The following PSMA8 variants were observed in gnomAD, a reference collection of about 807,000 sequenced individuals.
PSMA8 encodes the protein proteasome 20S subunit alpha 8, also known as proteasome subunit alpha-type 8.
A neutral mutation model predicts 32.4 loss-of-function variants in PSMA8; 18 were observed. That is an observed-to-expected ratio of 0.56 (90% CI 0.38 to 0.82). The LOEUF is 0.82. Among genes scored for constraint, PSMA8 ranks in the 40% least tolerant of loss-of-function variants. The pLI is 0.00. For synonymous variants in PSMA8, 104 were observed against 98.1 expected (o/e 1.06, Z -0.36); for missense variants, 298 against 300.7 (o/e 0.99, Z 0.07).
rs1347323733 is a variant in PSMA8, at chr18:26,164,929, GT to G, written c.477+6691del. Among the ~76,000 whole-genome samples, 8 of 151,908 alleles carry G rather than the reference GT, an allele frequency of 5.3e-5. No individual in the cohort carries two copies. In the South Asian group the frequency reaches 1.7e-3, roughly 32 times the overall value. ...TTTTTGTTTTGTTTTGTTTTGTTTTGTTTTTTGAGACGGAATCTCTCTCTGT... is the reference window on the plus strand; with the variant it reads ...TTTTTGTTTTGTTTTGTTTTGTTTTGTTTTTGAGACGGAATCTCTCTCTGT... On this transcript the variant is annotated intron_variant, in intron 4 of 6. Coordinates refer to ENST00000415576, the MANE Select transcript of PSMA8 (RefSeq NM_001025096.2).
chr18:26,164,274 C>A (rs895768397), intron 4 of PSMA8, among the ~76,000 whole-genome samples: 4 of 151,848 alleles, frequency 2.6e-5, no homozygotes, highest in Non-Finnish European at 5.9e-5. Context: ...CTTGTCTCTA[C>A]AAAATTAAAA....
At chr18:26,135,542 A>C (rs909188571) in intron 1 of PSMA8, among the ~76,000 whole-genome samples, 2 of 152,162 alleles carry the variant, frequency 1.3e-5, no homozygotes, top group Non-Finnish European at 2.9e-5. Context: ...TTTTGCAAGT[A>C]ATTTTTTTAG....
rs1324443635 is a variant in PSMA8, at chr18:26,168,493, T to G, written c.477+10249T>G. 3.2e-5 allele frequency among the ~76,000 whole-genome samples: 4 copies of G among 125,794 alleles called. No individual in the cohort carries two copies. In the East Asian group the frequency reaches 9.3e-4, roughly 29 times the overall value. 82.5% of individuals were successfully genotyped at this position (125,794 alleles called of 152,430 possible). On this transcript the variant is annotated intron_variant, in intron 4 of 6. Transcript: ENST00000415576. Reference sequence around the variant, plus strand: ...CTAACCAACCCTTTCCCCTTGTTTTTTTTTTTTTTTTTTTTTTACTTTTGC... The same window carrying G: ...CTAACCAACCCTTTCCCCTTGTTTTGTTTTTTTTTTTTTTTTTACTTTTGC...
Position 26,192,349 on chromosome 18 carries a change from G to A in PSMA8, c.691G>A (p.Val231Ile), listed in dbSNP as rs764030178. 2 of 1,516,938 alleles carry A rather than the reference G, an allele frequency of 1.3e-6. No homozygotes were observed. Among genetic ancestry groups the A allele is most frequent in the South Asian group, 1.4e-5 (1 of 72,528 alleles). The allele number at this position is 1,516,938 out of a possible 1,614,324, so 94.0% of individuals were successfully genotyped here. ...TAGTGCAAAAGAAGTTGAATTATATGTAACTGAAATAGAAAAGGAAAAGGA... is the reference window on the plus strand; with the variant it reads ...TAGTGCAAAAGAAGTTGAATTATATATAACTGAAATAGAAAAGGAAAAGGA... ...MFSAKEVELY[V>I]TEIEKEKEEA... Residue 231 changes from valine to isoleucine, a missense_variant, in exon 7 of 7, where the codon GTA (valine) becomes ATA (isoleucine). Val to Ile is a conservative substitution (Grantham distance 29, BLOSUM62 3). Coordinates refer to ENST00000415576, the MANE Select transcript of PSMA8 (RefSeq NM_001025096.2).
At chr18:26,139,706 C>A (rs2054939493) in intron 1 of PSMA8, among the ~76,000 whole-genome samples, 1 of 152,054 alleles carries the variant, frequency 6.6e-6, no homozygotes, top group Admixed American at 6.5e-5. Flanking sequence ...CCTTGAGGAA[C>A]CTTAATGACC....
intron 2 of PSMA8, among the ~76,000 whole-genome samples, chr18:26,148,019 T>C (rs2055017499): frequency 6.6e-6 from 1 of 152,096 alleles, no homozygotes; most frequent in Non-Finnish European, 1.5e-5. Flanking sequence ...AATAAGACAT[T>C]GAATGAGTTA....
At chr18:26,142,196 C>T (rs530421683) in intron 1 of PSMA8, among the ~76,000 whole-genome samples, 9 of 152,038 alleles carry the variant, frequency 5.9e-5, no homozygotes, top group Non-Finnish European at 1.2e-4. Context: ...CCCGCCACCA[C>T]GCCCGGCTGA....
intron 1 of PSMA8, among the ~76,000 whole-genome samples, chr18:26,135,064 G>A (rs943922985): frequency 3.9e-5 from 6 of 152,090 alleles, no homozygotes. Flanking sequence ...AATGCTGGAA[G>A]TTCCTTGAGA....
intron 4 of PSMA8, among the ~76,000 whole-genome samples, chr18:26,163,252 T>TA (rs1392013580): frequency 8.5e-5 from 8 of 94,584 alleles, no homozygotes; most frequent in African/African-American, 2.5e-4. Flanking sequence ...TATATATATA[T>TA]ATATATATAT....
chr18:26,145,139 A>G (rs1276755403), intron 2 of PSMA8, among the ~76,000 whole-genome samples: 2 of 151,996 alleles, frequency 1.3e-5, no homozygotes, highest in African/African-American at 4.8e-5. Context: ...TATTTTTGAG[A>G]CAGAGTTTCA....
chr18:26,174,914 G>A (rs981471175), intron 4 of PSMA8, among the ~76,000 whole-genome samples: 4 of 152,198 alleles, frequency 2.6e-5, no homozygotes, highest in Admixed American at 6.5e-5. Flanking sequence ...TGAACGTAGA[G>A]CCCTTTGATC....
intron 1 of PSMA8, among the ~76,000 whole-genome samples, chr18:26,135,641 G>A (rs914522360): frequency 5.3e-5 from 8 of 152,108 alleles, no homozygotes; most frequent in African/African-American, 1.9e-4. Context: ...CCCCAGCATA[G>A]CATGTAGCAT....
At chr18:26,169,441 T>C (rs1402025934) in intron 4 of PSMA8, among the ~76,000 whole-genome samples, 1 of 131,642 alleles carries the variant, frequency 7.6e-6, no homozygotes, top group Non-Finnish European at 1.5e-5. Flanking sequence ...GCAACCATCA[T>C]CCCTCACTTG....
chr18:26,169,824 C>A (rs2055207427), intron 4 of PSMA8, among the ~76,000 whole-genome samples: 1 of 120,204 alleles, frequency 8.3e-6, no homozygotes, highest in Non-Finnish European at 1.5e-5. Context: ...CTAGCCTGGG[C>A]AACAAGAGCG....
intron 1 of PSMA8, among the ~76,000 whole-genome samples, chr18:26,143,509 A>G (rs1166640507): frequency 6.6e-6 from 1 of 152,224 alleles, no homozygotes; most frequent in Non-Finnish European, 1.5e-5. Flanking sequence ...TATAAAGTAT[A>G]TAATAATCAT....
At chr18:26,189,638 G>C (rs1568073821) in intron 6 of PSMA8, among the ~76,000 whole-genome samples, 1 of 152,170 alleles carries the variant, frequency 6.6e-6, no homozygotes, top group Non-Finnish European at 1.5e-5. Flanking sequence ...TAATAGACAA[G>C]CTACAGCAAA....
At chr18:26,150,086 A>G (rs945944390) in intron 2 of PSMA8, among the ~76,000 whole-genome samples, 1 of 152,212 alleles carries the variant, frequency 6.6e-6, no homozygotes, top group Non-Finnish European at 1.5e-5. Context: ...CTCAAAGGAA[A>G]TGCTCATTGG....
In PSMA8 at chr18:26,171,313, C is replaced by T; in HGVS notation, c.478-7517C>T. ...ACAGCAGCGGGAGGACCTCCGAGCC[C>T]GCTCGTTACAGCAGAACGCGCGGTC... is the stretch of plus-strand genomic sequence containing the variant. On this transcript the variant is annotated intron_variant, in intron 4 of 6. Coordinates refer to ENST00000415576, the MANE Select transcript of PSMA8 (RefSeq NM_001025096.2). The T allele has an allele frequency of 4.0e-6, 6 of 1,496,412 alleles. 1 individual carries two copies. Among genetic ancestry groups the T allele is most frequent in the East Asian group, 5.1e-5 (2 of 39,558 alleles). 92.7% of individuals were successfully genotyped at this position (1,496,412 alleles called of 1,614,324 possible).
intron 3 of PSMA8, among the ~76,000 whole-genome samples, chr18:26,157,262 T>C (rs1441860732): frequency 1.3e-5 from 2 of 151,984 alleles, no homozygotes; most frequent in Non-Finnish European, 2.9e-5. Flanking sequence ...CCTAAAAATT[T>C]AGTCCTTAGA....
Sources: allele counts gnomAD v4.1 joint callset (sites outside exome capture counted in the v4.1 genomes callset), GRCh38; gene constraint gnomAD v4.1.1; transcripts MANE v1.5; gene names NCBI Gene and HGNC (gene_info 2026-07-23, HGNC 2026-07-21).